Variants in SIMC1 observed in about 807,000 individuals in gnomAD.
SIMC1 encodes SUMO interacting motifs containing 1.
In SIMC1, 55 loss-of-function variants were observed where a neutral mutation model predicts 82.3. The ratio of observed to expected loss-of-function variants is 0.67; its 90% CI spans 0.54 to 0.84. The LOEUF (loss-of-function observed/expected upper bound fraction) is 0.84, where lower values mean the gene tolerates loss of function less well. SIMC1 is among the 40% of genes least tolerant of loss of function. SIMC1 has a pLI of 0.00. For synonymous variants in SIMC1, 353 were observed against 426.3 expected (o/e 0.83, Z 2.12); for missense variants, 915 against 1,107.2 (o/e 0.83, Z 2.46).
intron 7 of SIMC1, among the ~76,000 whole-genome samples, chr5:176,329,550 T>C (rs183921329): frequency 6.6e-6 from 1 of 151,830 alleles, no homozygotes; most frequent in East Asian, 1.9e-4. Flanking sequence ...AAGGATTCCT[T>C]GTGCTACCCT....
At position 176,290,457 on chromosome 5, in the gene SIMC1, A is replaced by G. The variant is rs574936693; in HGVS notation, c.933A>G (p.Ser311=). 11 of 1,613,882 alleles carry G rather than the reference A, an allele frequency of 6.8e-6. No individual in the cohort carries two copies. The highest frequency in any genetic ancestry group is 6.7e-5 in the East Asian group (3 of 44,880). Residue 311 remains serine, a synonymous_variant, in exon 2 of 10, where the codon TCA becomes TCG. Coordinates refer to ENST00000429602, the MANE Select transcript of SIMC1 (RefSeq NM_001308195.2). ...CATACCTGCAAGACATGCCACGGTC[A>G]CCAGGAGATGTGCCACAGTCACCAA... The part of the protein sequence containing the change: ...DVAYLQDMPR[S]PGDVPQSPSD...
chr5:176,286,284 C>A (rs763520846), intron 1 of SIMC1, among the ~76,000 whole-genome samples: 1 of 152,266 alleles, frequency 6.6e-6, no homozygotes, highest in Non-Finnish European at 1.5e-5. Context: ...GGTACCAAAA[C>A]AGAGATATAG....
Position 176,289,625 on chromosome 5 carries a change from C to G in SIMC1, c.130-29C>G, listed in dbSNP as rs769508210. 8 of 1,526,122 alleles carry G rather than the reference C, an allele frequency of 5.2e-6. No individual in the cohort carries two copies. In the Admixed American group the frequency reaches 1.7e-4, roughly 32 times the overall value. The allele number at this position is 1,526,122 out of a possible 1,614,324, so 94.5% of individuals were successfully genotyped here. A position where few individuals can be genotyped will look rare whatever the true frequency, so the allele number is the denominator to read the frequency against. On this transcript the variant is annotated intron_variant, in intron 1 of 9. Transcript: ENST00000429602. ...GATAAAGCTAATACTCCCATCTTGACCTCTTTTCTTCACACAATCCTTCAA... is the reference window on the plus strand; with the variant it reads ...GATAAAGCTAATACTCCCATCTTGAGCTCTTTTCTTCACACAATCCTTCAA...
intron 4 of SIMC1, among the ~76,000 whole-genome samples, chr5:176,303,296 C>A (rs1036469077): frequency 1.4e-5 from 2 of 143,080 alleles, no homozygotes; most frequent in African/African-American, 5.1e-5. Flanking sequence ...AAGTTGGTAT[C>A]TTGCAAAGGA....
chr5:176,274,761 G>T (rs370632731), intron 1 of SIMC1, among the ~76,000 whole-genome samples: 4 of 151,800 alleles, frequency 2.6e-5, no homozygotes, highest in African/African-American at 7.2e-5. Flanking sequence ...ATTAACTAGG[G>T]AATCCTTTCC....
At chr5:176,317,055 T>C (rs189757650) in intron 5 of SIMC1, among the ~76,000 whole-genome samples, 484 of 152,332 alleles carry the variant, frequency 3.2e-3, no homozygotes, top group Middle Eastern at 0.014. Flanking sequence ...GGCCAGGTCC[T>C]CTGTTTTGTG....
At chr5:176,318,273 G>A (rs1001807714) in intron 5 of SIMC1, among the ~76,000 whole-genome samples, 1 of 152,124 alleles carries the variant, frequency 6.6e-6, no homozygotes, top group South Asian at 2.1e-4. Flanking sequence ...GAAGCCTCTG[G>A]TCCTTTTGTT....
intron 5 of SIMC1, among the ~76,000 whole-genome samples, chr5:176,320,123 G>T (rs1020291382): frequency 2.0e-5 from 3 of 152,136 alleles, no homozygotes; most frequent in African/African-American, 7.2e-5. Flanking sequence ...TGGAAGACAC[G>T]TGTGAGAAGA....
rs567747416 is a variant in SIMC1 at position 176,266,469 on chromosome 5, A to G, written c.130-23185A>G. Among the ~76,000 whole-genome samples the G allele has an allele frequency of 2.3e-3, 344 of 152,104 alleles. 1 individual carries two copies. Among genetic ancestry groups the G allele is most frequent in the African/African-American group, 8.1e-3 (336 of 41,426 alleles). Reference sequence around the variant, plus strand: ...CAGGTTAAAACAACAGCAGCTGGAAACCATAAGAACAAAGATATCAGTACC... The same window carrying G: ...CAGGTTAAAACAACAGCAGCTGGAAGCCATAAGAACAAAGATATCAGTACC... On this transcript the variant is annotated intron_variant, in intron 1 of 9. Coordinates refer to ENST00000429602, the MANE Select transcript of SIMC1 (RefSeq NM_001308195.2).
chr5:176,335,022 TG>T (rs1765823416), intron 7 of SIMC1, among the ~76,000 whole-genome samples: 1 of 144,634 alleles, frequency 6.9e-6, no homozygotes, highest in Admixed American at 7.0e-5. Context: ...ACCCGGGGGG[TG>T]GGGGTGGAGG....
At chr5:176,253,964 G>A (rs1223573607) in intron 1 of SIMC1, among the ~76,000 whole-genome samples, 1 of 152,054 alleles carries the variant, frequency 6.6e-6, no homozygotes, top group African/African-American at 2.4e-5. Context: ...TTGTAACTGT[G>A]TGGCCTGTTT....
chr5:176,309,111 C>G, intron 4 of SIMC1: 1 of 658,728 alleles, frequency 1.5e-6, no homozygotes, highest in Non-Finnish European at 2.7e-6. Context: ...CTCACATTAC[C>G]TGACTTCAAG....
Position 176,290,103 on chromosome 5 carries a change from GAGCAGCAGC to G in SIMC1, c.590_598del (p.Ser197_Ser199del). ...TCTCCCCAACAAGCAATAATAGTAG[GAGCAGCAGC>G]AGCAGCAGCAATCAAAAAGCACCCT... On this transcript the variant is annotated inframe_deletion, in exon 2 of 10. Transcript: ENST00000429602. 1 of 1,605,736 alleles carries G rather than the reference GAGCAGCAGC, an allele frequency of 6.2e-7. No individual in the cohort carries two copies. The highest frequency in any genetic ancestry group is 8.5e-7 in the Non-Finnish European group (1 of 1,176,036).
intron 1 of SIMC1, among the ~76,000 whole-genome samples, chr5:176,288,419 G>GAATAAATAAATA (rs780754339): frequency 7.8e-4 from 82 of 104,614 alleles, no homozygotes; most frequent in Middle Eastern, 0.012. Flanking sequence ...AAGAATGAAT[G>GAATAAATAAATA]AATGAATAAA....
At chr5:176,259,204 C>T (rs1197852041) in intron 1 of SIMC1, among the ~76,000 whole-genome samples, 10 of 152,356 alleles carry the variant, frequency 6.6e-5, no homozygotes, top group South Asian at 2.1e-4. Context: ...TGGTGGCTCA[C>T]GCCAGTAATC....
intron 9 of SIMC1, among the ~76,000 whole-genome samples, chr5:176,341,540 G>A (rs532199796): frequency 6.6e-6 from 1 of 152,204 alleles, no homozygotes; most frequent in Non-Finnish European, 1.5e-5. Flanking sequence ...CCAGGGGAGG[G>A]GTAATGGTGA....
At position 176,345,166 on chromosome 5, in the gene SIMC1, T is replaced by A. The variant is rs759928693; in HGVS notation, c.2414-17T>A. ...AAGCAGTTCAGAGCACCCAACTGAC[T>A]TTTTTCCCTCTTGCAGAACACTTAA... On this transcript the variant is annotated splice_polypyrimidine_tract_variant and intron_variant, in intron 9 of 9. Coordinates refer to ENST00000429602, the MANE Select transcript of SIMC1 (RefSeq NM_001308195.2). 4 of 1,605,348 alleles carry A rather than the reference T, an allele frequency of 2.5e-6. No homozygotes were observed. Among genetic ancestry groups the A allele is most frequent in the East Asian group, 2.2e-5 (1 of 44,764 alleles).
rs570859573 is a variant in SIMC1, at chr5:176,249,664, C to T, written c.129+11027C>T. Among the ~76,000 whole-genome samples the T allele has an allele frequency of 6.1e-4, 92 of 151,886 alleles. 1 individual carries two copies. Among genetic ancestry groups the T allele is most frequent in the African/African-American group, 2.1e-3 (87 of 41,398 alleles). ...GACCATCCTGGCTAACATGGTGAAA[C>T]CCCGTCTCTACTAAAAATACAAAAA... is the stretch of plus-strand genomic sequence containing the variant. On this transcript the variant is annotated intron_variant, in intron 1 of 9. Transcript: ENST00000429602.
intron 5 of SIMC1, among the ~76,000 whole-genome samples, chr5:176,319,217 T>A (rs1476105787): frequency 6.6e-6 from 1 of 152,242 alleles, no homozygotes; most frequent in African/African-American, 2.4e-5. Flanking sequence ...AATGTGCTTA[T>A]CCTAGGTTTA....
Sources: gnomAD v4.1 joint callset for allele counts (sites outside exome capture counted in the v4.1 genomes callset) on GRCh38, gnomAD v4.1.1 for gene constraint, MANE v1.5 for transcripts, NCBI Gene and HGNC (gene_info 2026-07-23, HGNC 2026-07-21) for gene names.